The following DNAH7 variants were observed in gnomAD, a reference collection of about 807,000 sequenced individuals.
DNAH7 encodes the protein dynein axonemal heavy chain 7, also known as axonemal beta dynein heavy chain 7.
Under a neutral mutation model 444.6 loss-of-function variants are expected in DNAH7, and 397 were observed. That is an observed-to-expected ratio of 0.89 (90% confidence interval 0.82 to 0.97). The LOEUF (loss-of-function observed/expected upper bound fraction) is 0.97, where lower values mean the gene tolerates loss of function less well. Among genes scored for constraint, DNAH7 ranks in the 50% least tolerant of loss-of-function variants. The pLI is 0.00. For synonymous variants in DNAH7, 1,636 were observed against 1,624.4 expected (o/e 1.01, Z -0.17); for missense variants, 4,902 against 4,800.8 (o/e 1.02, Z -0.62).
At chr2:195,878,574 T>C (rs142872586) in intron 36 of DNAH7, among the ~76,000 whole-genome samples, 143 of 152,242 alleles carry the variant, frequency 9.4e-4, no homozygotes, top group African/African-American at 3.0e-3. Flanking sequence ...CATTCCAGCC[T>C]AGGGGACAGA....
intron 17 of DNAH7, among the ~76,000 whole-genome samples, chr2:195,965,494 G>A (rs1008483160): frequency 6.6e-6 from 1 of 152,056 alleles, no homozygotes; most frequent in African/African-American, 2.4e-5. Context: ...AATAAATCTG[G>A]AAGTATTCTC....
chr2:195,884,722 G>C lies in DNAH7; in HGVS notation c.5626C>G (p.Leu1876Val), dbSNP rs1203533187. The stretch of plus-strand genomic sequence containing the variant: ...CGATCTGAAATTGGACTTTCCATTA[G>C]TTCTCGAAGAATCTTATTAAATTTC... ...RLKFNKILRE[L>V]MESPISDRTR... The change falls in exon 35 of 65, where the codon CTA (leucine) becomes GTA (valine). Residue 1876 changes from leucine to valine, a missense_variant. By Grantham distance (32) the Leu-to-Val change is conservative. Transcript: ENST00000312428. The C allele has an allele frequency of 6.2e-7, 1 of 1,614,116 alleles. No individual in the cohort carries two copies. Among genetic ancestry groups the C allele is most frequent in the South Asian group, 1.1e-5 (1 of 91,086 alleles).
At chr2:195,912,003 C>T (rs1687387755) in intron 24 of DNAH7, among the ~76,000 whole-genome samples, 1 of 152,116 alleles carries the variant, frequency 6.6e-6, no homozygotes, top group South Asian at 2.1e-4. Flanking sequence ...GGAATTTTGA[C>T]TAAAGCCCCA....
rs748529160 is a variant in DNAH7 at position 195,960,932 on chromosome 2, T to C, written c.2219A>G (p.Asn740Ser). The part of the protein sequence containing the change: ...DLAADKIEQF[N>S]AEEEAFGWLP... ...CCAACCAAATGCTTCCTCTTCAGCA[T>C]TAAACTGCTCAATCTGAAAGGATAA... The change falls in exon 18 of 65, where the codon AAT (asparagine) becomes AGT (serine). Residue 740 changes from asparagine to serine, a missense_variant. Coordinates refer to ENST00000312428, the MANE Select transcript of DNAH7 (RefSeq NM_018897.3). The C allele has an allele frequency of 6.3e-7, 1 of 1,594,136 alleles. No individual in the cohort carries two copies. The highest frequency in any genetic ancestry group is 8.6e-7 in the Non-Finnish European group (1 of 1,168,738).
chr2:195,780,687 G>A (rs1465637534), intron 58 of DNAH7, among the ~76,000 whole-genome samples: 1 of 152,044 alleles, frequency 6.6e-6, no homozygotes, highest in Non-Finnish European at 1.5e-5. Context: ...GGAGGTGGAG[G>A]TTGCAGTGAG....
chr2:195,799,579 GT>G (rs1696350425), intron 54 of DNAH7, 107 bp from the exon 55 acceptor site: 1 of 965,546 alleles, frequency 1.0e-6, no homozygotes, highest in Admixed American at 3.5e-5. Flanking sequence ...AGCTCTATTA[GT>G]TTAGGTATTC....
At chr2:195,915,342 T>G (rs1269062694) in intron 24 of DNAH7, among the ~76,000 whole-genome samples, 3 of 152,062 alleles carry the variant, frequency 2.0e-5, no homozygotes, top group Non-Finnish European at 4.4e-5. Flanking sequence ...GGGAGAGAAC[T>G]TGCCAGGGAA....
chr2:196,056,253 T>C (rs974385540), intron 2 of DNAH7, among the ~76,000 whole-genome samples: 1 of 152,016 alleles, frequency 6.6e-6, no homozygotes, highest in Non-Finnish European at 1.5e-5. Context: ...GAGACCAGCC[T>C]GGCCAACATG....
At chr2:195,949,761 T>G (rs1477512948) in intron 19 of DNAH7, among the ~76,000 whole-genome samples, 1 of 152,214 alleles carries the variant, frequency 6.6e-6, no homozygotes, top group Non-Finnish European at 1.5e-5. Context: ...ACATTATTAT[T>G]TTGAGATACG....
chr2:195,744,003 C>A (rs183374083), intron 63 of DNAH7, among the ~76,000 whole-genome samples: 1 of 152,194 alleles, frequency 6.6e-6, no homozygotes, highest in Non-Finnish European at 1.5e-5. Flanking sequence ...GAGTGCCAGA[C>A]AGTGGGTGCA....
chr2:195,825,396 T>C (rs368057704), intron 48 of DNAH7, among the ~76,000 whole-genome samples: 131 of 152,354 alleles, frequency 8.6e-4, no homozygotes, highest in African/African-American at 3.1e-3. Context: ...GAATTTTGCA[T>C]GCTAATTATT....
chr2:195,917,524 C>G (rs1477610172), intron 24 of DNAH7, among the ~76,000 whole-genome samples: 1 of 152,170 alleles, frequency 6.6e-6, no homozygotes, highest in African/African-American at 2.4e-5. Context: ...TCCACTTGGC[C>G]CTCTTCCAAG....
At chr2:196,067,098 T>C (rs1394100256) in intron 1 of DNAH7, among the ~76,000 whole-genome samples, 2 of 152,160 alleles carry the variant, frequency 1.3e-5, no homozygotes, top group Non-Finnish European at 2.9e-5. Flanking sequence ...GAGACTAGGG[T>C]GTCATTTCCC....
At chr2:195,852,911 CACACAGAG>C (rs1274359197) in intron 46 of DNAH7, among the ~76,000 whole-genome samples, 95 of 125,932 alleles carry the variant, frequency 7.5e-4, no homozygotes, top group African/African-American at 3.0e-3. Context: ...CACACACACA[CACACAGAG>C]AGAGAGAGAG....
chr2:195,739,328 C>A (rs1692848266), intron 64 of DNAH7, among the ~76,000 whole-genome samples: 1 of 152,174 alleles, frequency 6.6e-6, no homozygotes, highest in Admixed American at 6.5e-5. Context: ...CTCACTGATC[C>A]TGTTACAGTT....
chr2:195,806,836 A>G lies in DNAH7; in HGVS notation c.10084-4T>C. Reference sequence around the variant, plus strand: ...GGAAAACCTCATGGTGTGGTTCCTAAAATTACAGTGTAAATAATTCAGTTA... The same window carrying G: ...GGAAAACCTCATGGTGTGGTTCCTAGAATTACAGTGTAAATAATTCAGTTA... On this transcript the variant is annotated splice_region_variant and splice_polypyrimidine_tract_variant and intron_variant, in intron 53 of 64. Transcript: ENST00000312428. The G allele has an allele frequency of 6.2e-7, 1 of 1,609,054 alleles. No homozygotes were observed. Among genetic ancestry groups the G allele is most frequent in the Non-Finnish European group, 8.5e-7 (1 of 1,176,272 alleles).
At position 195,759,283 on chromosome 2, in the gene DNAH7, ACATATTTGGT is replaced by A. The variant is rs1252343320; in HGVS notation, c.11434-3008_11434-2999del. Among the ~76,000 whole-genome samples the A allele has an allele frequency of 4.6e-5, 7 of 152,270 alleles. No individual in the cohort carries two copies. The East Asian group carries it at 1.2e-3, about 25-fold the overall frequency. ...TGGCTCCTGGACAATATTTCTAGAC[ACATATTTGGT>A]CATAAAGGAACCTGCACTCTTGAAG... On this transcript the variant is annotated intron_variant, in intron 61 of 64. Transcript: ENST00000312428.
chr2:195,872,728 AC>A (rs1335358857), intron 39 of DNAH7, among the ~76,000 whole-genome samples: 2 of 152,124 alleles, frequency 1.3e-5, no homozygotes, highest in Non-Finnish European at 2.9e-5. Flanking sequence ...ACTTAAAATC[AC>A]TTAAGTAAGT....
chr2:196,029,308 G>A (rs541766585), intron 5 of DNAH7, among the ~76,000 whole-genome samples: 2 of 152,008 alleles, frequency 1.3e-5, no homozygotes, highest in East Asian at 1.9e-4. Flanking sequence ...TACCTACCTT[G>A]CTGAATTCTA....
Sources: allele counts gnomAD v4.1 joint callset (sites outside exome capture counted in the v4.1 genomes callset), GRCh38; gene constraint gnomAD v4.1.1; transcripts MANE v1.5; gene names NCBI Gene and HGNC (gene_info 2026-07-23, HGNC 2026-07-21).